STXBP4: variants seen among roughly 807,000 people sequenced by gnomAD.
STXBP4 encodes the protein syntaxin binding protein 4, also known as syntaxin-binding protein 4.
Under a neutral mutation model 76.1 loss-of-function variants are expected in STXBP4, and 55 were observed. The observed-to-expected ratio is 0.72, with a 90% CI of 0.58 to 0.91. The LOEUF (loss-of-function observed/expected upper bound fraction) is 0.91. STXBP4 is among the 40% of genes least tolerant of loss of function. The probability of loss-of-function intolerance (pLI) is 0.00; values close to 1 mark genes in which losing one functional copy is unlikely to be tolerated. For synonymous variants in STXBP4, 201 were observed against 220.2 expected (o/e 0.91, Z 0.77); for missense variants, 618 against 636.9 (o/e 0.97, Z 0.32).
chr17:54,976,557 TACCC>T (rs2077477052), intron 1 of STXBP4, among the ~76,000 whole-genome samples: 1 of 152,116 alleles, frequency 6.6e-6, no homozygotes, highest in African/African-American at 2.4e-5. Context: ...TACCCAGGGG[TACCC>T]AGTCCTTAGG....
chr17:55,119,859 TCAAA>T (rs1445512624), intron 16 of STXBP4, among the ~76,000 whole-genome samples: 1 of 152,042 alleles, frequency 6.6e-6, no homozygotes. Flanking sequence ...TTTAAATACC[TCAAA>T]CAAAAAAATG....
At chr17:55,091,790 C>T (rs944877634) in intron 16 of STXBP4, among the ~76,000 whole-genome samples, 1 of 151,886 alleles carries the variant, frequency 6.6e-6, no homozygotes, top group Non-Finnish European at 1.5e-5. Flanking sequence ...ATAGTGACAC[C>T]TTTACTTTCT....
chr17:55,079,546 C>A (rs2079230375), intron 15 of STXBP4, among the ~76,000 whole-genome samples: 2 of 150,850 alleles, frequency 1.3e-5, no homozygotes, highest in African/African-American at 4.9e-5. Flanking sequence ...TCACTTGAGC[C>A]CAGGAGTTTG....
chr17:55,110,560 G>A (rs2079699679), intron 16 of STXBP4, among the ~76,000 whole-genome samples: 1 of 152,170 alleles, frequency 6.6e-6, no homozygotes, highest in African/African-American at 2.4e-5. Context: ...GAACAATAAG[G>A]AAAGTTAGTT....
chr17:55,060,903 G>C (rs186165776), intron 12 of STXBP4, among the ~76,000 whole-genome samples: 177 of 152,250 alleles, frequency 1.2e-3, no homozygotes, highest in African/African-American at 3.8e-3. Flanking sequence ...TATGACCTAA[G>C]GCAGCAATGA....
At chr17:54,998,706 C>CCA (rs1315701007) in intron 4 of STXBP4, among the ~76,000 whole-genome samples, 6 of 152,104 alleles carry the variant, frequency 3.9e-5, no homozygotes, top group Non-Finnish European at 8.8e-5. Context: ...AAATCCTTGG[C>CCA]CAGGCGCAGT....
chr17:55,034,527 T>C (rs992243863), intron 10 of STXBP4, among the ~76,000 whole-genome samples: 1 of 152,158 alleles, frequency 6.6e-6, no homozygotes, highest in African/African-American at 2.4e-5. Context: ...TATAACTAGC[T>C]AGCTAGACAA....
At chr17:55,209,718 G>A in the STXBP4 span, among the ~76,000 whole-genome samples, 50 of 152,314 alleles carry the variant, frequency 3.3e-4, no homozygotes, top group Non-Finnish European at 5.3e-4. Flanking sequence ...TGCTGATGCT[G>A]TGGACAACAG....
At chr17:55,207,643 G>A in the STXBP4 span, among the ~76,000 whole-genome samples, 1 of 152,274 alleles carries the variant, frequency 6.6e-6, no homozygotes, top group Non-Finnish European at 1.5e-5. Context: ...AAAATCCTAT[G>A]GGGTGTATTT....
chr17:55,204,678 A>C, the STXBP4 span, among the ~76,000 whole-genome samples: 1 of 152,108 alleles, frequency 6.6e-6, no homozygotes, highest in African/African-American at 2.4e-5. Context: ...ATATGAATAA[A>C]AAAGAAAACT....
the STXBP4 span, among the ~76,000 whole-genome samples, chr17:55,200,650 C>T: frequency 1.8e-4 from 27 of 152,268 alleles, no homozygotes; most frequent in African/African-American, 6.3e-4. Context: ...CTCACCCTAC[C>T]CTCCTCCCTG....
intron 13 of STXBP4, among the ~76,000 whole-genome samples, chr17:55,074,796 A>G (rs1181232901): frequency 6.6e-6 from 1 of 152,088 alleles, no homozygotes; most frequent in Non-Finnish European, 1.5e-5. Flanking sequence ...CCTGTCTCTG[A>G]AAACAGTCTT....
At chr17:55,156,266 T>A (rs1242329767) in intron 17 of STXBP4, among the ~76,000 whole-genome samples, 2 of 152,198 alleles carry the variant, frequency 1.3e-5, no homozygotes, top group African/African-American at 4.8e-5. Flanking sequence ...AGGGCTGATT[T>A]ATTCTCTTAT....
At chr17:55,039,429 TTACTCAG>T (rs1399014651) in intron 10 of STXBP4, among the ~76,000 whole-genome samples, 2 of 152,220 alleles carry the variant, frequency 1.3e-5, no homozygotes, top group Non-Finnish European at 2.9e-5. Context: ...AGTCTGTACT[TTACTCAG>T]TAGTCAGTGA....
intron 16 of STXBP4, among the ~76,000 whole-genome samples, chr17:55,129,375 A>G (rs1040417290): frequency 1.3e-5 from 2 of 151,736 alleles, no homozygotes; most frequent in Non-Finnish European, 2.9e-5. Context: ...TATTTTTTTA[A>G]TGTTCCAGGT....
intron 8 of STXBP4, among the ~76,000 whole-genome samples, chr17:55,013,340 C>T (rs1209066254): frequency 3.3e-5 from 5 of 152,238 alleles, no homozygotes. Flanking sequence ...CCTGGAAAGC[C>T]ACTTTTGCTT....
intron 16 of STXBP4, among the ~76,000 whole-genome samples, chr17:55,104,727 G>A (rs1175077344): frequency 5.3e-5 from 8 of 152,114 alleles, no homozygotes; most frequent in Non-Finnish European, 1.2e-4. Context: ...TGTACCTCTG[G>A]TAGAATTTGG....
intron 16 of STXBP4, among the ~76,000 whole-genome samples, chr17:55,086,217 A>G (rs990120974): frequency 6.6e-6 from 1 of 152,162 alleles, no homozygotes; most frequent in African/African-American, 2.4e-5. Flanking sequence ...GGCTGGTTAT[A>G]AATTAATTAT....
intron 8 of STXBP4, among the ~76,000 whole-genome samples, chr17:55,024,968 T>C (rs2078385368): frequency 6.6e-6 from 1 of 151,524 alleles, no homozygotes; most frequent in South Asian, 2.1e-4. Flanking sequence ...AAACCCCATC[T>C]CTACTAAAAA....
Sources: gnomAD v4.1 joint callset for allele counts (sites outside exome capture counted in the v4.1 genomes callset) on GRCh38, gnomAD v4.1.1 for gene constraint, MANE v1.5 for transcripts, NCBI Gene and HGNC (gene_info 2026-07-23, HGNC 2026-07-21) for gene names.